The following HSD17B3 variants were observed in gnomAD, a reference collection of about 807,000 sequenced individuals.
HSD17B3 encodes the protein hydroxysteroid 17-beta dehydrogenase 3, also known as 17-beta-hydroxysteroid dehydrogenase type 3.
A neutral mutation model predicts 41.1 loss-of-function variants in HSD17B3; 29 were observed. The observed-to-expected ratio is 0.71, with a 90% confidence interval of 0.53 to 0.96. HSD17B3 has a LOEUF of 0.96. Ranked by LOEUF, HSD17B3 falls within the 40% of genes least tolerant of loss-of-function variation. HSD17B3 has a pLI of 0.00. For synonymous variants in HSD17B3, 126 were observed against 145.6 expected (o/e 0.87, Z 0.97); for missense variants, 323 against 374.6 (o/e 0.86, Z 1.14).
chr9:96,271,610 G>A (rs752876319), intron 2 of HSD17B3, among the ~76,000 whole-genome samples: 29 of 152,144 alleles, frequency 1.9e-4, no homozygotes, highest in Middle Eastern at 3.2e-3. Flanking sequence ...TATGTGTTAT[G>A]ATCCAGCTTC....
chr9:96,249,620 T>C, intron 6 of HSD17B3, 131 bp downstream of exon 6: 3 of 792,880 alleles, frequency 3.8e-6, no homozygotes, highest in Non-Finnish European at 6.6e-6. Flanking sequence ...GACCACGACA[T>C]GGCCTCTCAA....
chr9:96,292,537 AG>A, intron 2 of HSD17B3, among the ~76,000 whole-genome samples: 1 of 152,106 alleles, frequency 6.6e-6, no homozygotes, highest in Non-Finnish European at 1.5e-5. Flanking sequence ...CCGTAGAGAC[AG>A]GGTTTCACCA....
chr9:96,241,040 T>C (rs1182227888), intron 9 of HSD17B3, 133 bp from the exon 10 acceptor site: 12 of 1,073,226 alleles, frequency 1.1e-5, no homozygotes, highest in Non-Finnish European at 1.4e-5. Context: ...AGATCTTGAG[T>C]GGAAAAAGGC....
chr9:96,269,626 G>A (rs141554543), intron 2 of HSD17B3, among the ~76,000 whole-genome samples: 25 of 152,190 alleles, frequency 1.6e-4, no homozygotes, highest in South Asian at 8.3e-4. Context: ...AGATTAGGCC[G>A]GGTGTGATGG....
At chr9:96,282,804 A>T (rs1032091300) in intron 2 of HSD17B3, among the ~76,000 whole-genome samples, 18 of 152,198 alleles carry the variant, frequency 1.2e-4, no homozygotes, top group Non-Finnish European at 1.8e-4. Context: ...ATAAGAAGTC[A>T]TGGGAATGTG....
At chr9:96,301,665 C>T (rs956108741) in intron 1 of HSD17B3, among the ~76,000 whole-genome samples, 5 of 148,214 alleles carry the variant, frequency 3.4e-5, no homozygotes, top group African/African-American at 7.5e-5. Context: ...GAGCAGAGAT[C>T]GCACTACTGC....
chr9:96,281,017 C>G (rs1195181622), intron 2 of HSD17B3, among the ~76,000 whole-genome samples: 2 of 152,180 alleles, frequency 1.3e-5, no homozygotes, highest in East Asian at 1.9e-4. Context: ...GAGGGCTGCT[C>G]TGTCCATGGA....
At chr9:96,244,004 C>A (rs536936725) in intron 9 of HSD17B3, among the ~76,000 whole-genome samples, 14 of 152,328 alleles carry the variant, frequency 9.2e-5, no homozygotes, top group Non-Finnish European at 1.6e-4. Flanking sequence ...AAGCCACAAC[C>A]AACCCGAATG....
intron 10 of HSD17B3, among the ~76,000 whole-genome samples, chr9:96,236,927 C>G (rs1836259539): frequency 1.3e-5 from 2 of 152,164 alleles, no homozygotes; most frequent in Admixed American, 1.3e-4. Flanking sequence ...AAAACTTGAG[C>G]TTTTAGGGGA....
intron 2 of HSD17B3, among the ~76,000 whole-genome samples, chr9:96,280,707 T>G (rs558582175): frequency 1.5e-4 from 23 of 152,268 alleles, no homozygotes; most frequent in African/African-American, 5.5e-4. Context: ...CATTCCCAGA[T>G]AGTTGAGGCA....
rs1380319861 is a variant in HSD17B3, at chr9:96,277,479, C to T, written c.201+20937G>A. ...AGGCATATGAAAAGATGTTCAATAT[C>T]GCTAATTATCAAGGAAATGCAGATG... On this transcript the variant is annotated intron_variant, in intron 2 of 10. Transcript: ENST00000375263. 1.1e-4 allele frequency among the ~76,000 whole-genome samples: 17 copies of T among 152,250 alleles called. No individual in the cohort carries two copies. The South Asian group carries it at 1.5e-3, about 13-fold the overall frequency.
intron 2 of HSD17B3, among the ~76,000 whole-genome samples, chr9:96,288,572 G>A (rs940605010): frequency 6.6e-6 from 1 of 152,026 alleles, no homozygotes; most frequent in Non-Finnish European, 1.5e-5. Context: ...CTTGAGGCCA[G>A]GAGTTCAAGA....
intron 2 of HSD17B3, among the ~76,000 whole-genome samples, chr9:96,272,421 AT>A (rs1483899659): frequency 1.1e-4 from 3 of 27,514 alleles, no homozygotes; most frequent in Non-Finnish European, 1.6e-4. Flanking sequence ...ATATATATAT[AT>A]ATATATATAT....
chr9:96,299,287 G>A (rs539907496), intron 1 of HSD17B3, among the ~76,000 whole-genome samples: 1 of 152,308 alleles, frequency 6.6e-6, no homozygotes, highest in Non-Finnish European at 1.5e-5. Context: ...ACCTGAGAGT[G>A]AGTGCAGGCC....
chr9:96,284,081 G>C (rs775125997), intron 2 of HSD17B3, among the ~76,000 whole-genome samples: 6 of 152,086 alleles, frequency 3.9e-5, no homozygotes, highest in Non-Finnish European at 8.8e-5. Flanking sequence ...AATTAGCTGA[G>C]CATGGTGGCA....
chr9:96,298,955 G>A (rs950860850), intron 1 of HSD17B3, among the ~76,000 whole-genome samples: 4 of 152,258 alleles, frequency 2.6e-5, no homozygotes, highest in African/African-American at 9.6e-5. Context: ...GCAATTAAAG[G>A]CCTATGGAAG....
At chr9:96,245,467 C>T in intron 7 of HSD17B3, 41 bp from the exon 8 acceptor site, 1 of 1,460,106 alleles carries the variant, frequency 6.8e-7, no homozygotes, top group African/African-American at 1.4e-5. Flanking sequence ...CTTTGTTGCC[C>T]TACCTGACCT....
At chr9:96,266,161 A>G (rs1401740621) in intron 2 of HSD17B3, among the ~76,000 whole-genome samples, 2 of 152,204 alleles carry the variant, frequency 1.3e-5, no homozygotes, top group Admixed American at 1.3e-4. Context: ...CACACAGTTA[A>G]TTTTGCTGCC....
intron 10 of HSD17B3, chr9:96,239,420 A>G (rs945143215): frequency 6.6e-6 from 1 of 152,270 alleles, no homozygotes; most frequent in African/African-American, 2.4e-5. Context: ...TGATCTGGAA[A>G]AAGACCAGAT....
Sources: allele counts gnomAD v4.1 joint callset (sites outside exome capture counted in the v4.1 genomes callset), GRCh38; gene constraint gnomAD v4.1.1; transcripts MANE v1.5; gene names NCBI Gene and HGNC (gene_info 2026-07-23, HGNC 2026-07-21).